CNBD1: variants seen among roughly 807,000 people sequenced by gnomAD.
CNBD1 encodes the protein cyclic nucleotide binding domain containing 1.
Under a neutral mutation model 54.4 loss-of-function variants are expected in CNBD1, and 71 were observed. The observed-to-expected ratio is 1.30, with a 90% CI of 1.08 to 1.59. The LOEUF is 1.59. CNBD1 is among the 40% of genes most tolerant of loss of function. The pLI is 0.00. For synonymous variants in CNBD1, 182 were observed against 170.7 expected, an observed-to-expected ratio of 1.07 and a Z score of -0.51; for missense variants, 659 against 518.0, an observed-to-expected ratio of 1.27 and a Z score of -2.64.
chr8:87,002,953 C>A (rs1489588587), intron 4 of CNBD1, among the ~76,000 whole-genome samples: 2 of 152,080 alleles, frequency 1.3e-5, no homozygotes, highest in Admixed American at 6.5e-5. Flanking sequence ...GGTAATTAGT[C>A]ATTTCTTCCC....
chr8:87,206,113 C>A lies in CNBD1; in HGVS notation c.552C>A (p.Ser184=), dbSNP rs774522037. 1 of 1,585,042 alleles carries A rather than the reference C, an allele frequency of 6.3e-7. No individual in the cohort carries two copies. ...HLKTLSKTVF[S]ETWLKGSTVV... is the part of the protein sequence containing the mutation. ...AAACACTTAGTAAGACTGTCTTTTC[C>A]GAAACCTGGTTGAAAGGCAGCACAG... is the stretch of plus-strand genomic sequence containing the variant. Residue 184 remains serine, a synonymous_variant, in exon 5 of 11, where the codon TCC becomes TCA. Coordinates refer to ENST00000518476, the MANE Select transcript of CNBD1 (RefSeq NM_173538.3).
At chr8:87,396,653 G>T (rs1466525121) in intron 2 of CNBD1, among the ~76,000 whole-genome samples, 3 of 151,298 alleles carry the variant, frequency 2.0e-5, no homozygotes, top group Middle Eastern at 3.4e-3. Context: ...ACCTATTATA[G>T]CTCTTATCTG....
intron 4 of CNBD1, among the ~76,000 whole-genome samples, chr8:87,139,395 T>C (rs1413552886): frequency 2.0e-5 from 3 of 152,176 alleles, no homozygotes; most frequent in Non-Finnish European, 4.4e-5. Context: ...TTACATTGAG[T>C]TCTAACCACA....
intron 2 of CNBD1, among the ~76,000 whole-genome samples, chr8:87,416,971 T>C (rs1807847521): frequency 6.6e-6 from 1 of 152,078 alleles, no homozygotes; most frequent in Non-Finnish European, 1.5e-5. Flanking sequence ...AGGTTCAATA[T>C]AATCCATGAA....
intron 4 of CNBD1, among the ~76,000 whole-genome samples, chr8:87,060,926 A>T (rs560575771): frequency 6.6e-6 from 1 of 152,282 alleles, no homozygotes; most frequent in South Asian, 2.1e-4. Flanking sequence ...GGTCACCAAT[A>T]AATATTCCTT....
At chr8:87,337,631 T>C (rs1809974315) in intron 8 of CNBD1, among the ~76,000 whole-genome samples, 1 of 152,210 alleles carries the variant, frequency 6.6e-6, no homozygotes. Flanking sequence ...TCCAATCTGT[T>C]GGTTGCACAC....
At chr8:87,009,339 C>T (rs1259174470) in intron 4 of CNBD1, among the ~76,000 whole-genome samples, 1 of 151,962 alleles carries the variant, frequency 6.6e-6, no homozygotes, top group Non-Finnish European at 1.5e-5. Flanking sequence ...CTCACTCTGT[C>T]GCCCAGGCTG....
intron 4 of CNBD1, among the ~76,000 whole-genome samples, chr8:87,083,101 T>C (rs1464946392): frequency 1.3e-5 from 2 of 152,206 alleles, no homozygotes; most frequent in Non-Finnish European, 2.9e-5. Context: ...ATGGGTTTTA[T>C]TTAACACTAT....
intron 4 of CNBD1, among the ~76,000 whole-genome samples, chr8:86,969,429 T>C (rs1443123715): frequency 6.6e-6 from 1 of 152,134 alleles, no homozygotes; most frequent in African/African-American, 2.4e-5. Context: ...CCACTACCAG[T>C]GGCAAATCCA....
intron 5 of CNBD1, among the ~76,000 whole-genome samples, chr8:87,231,576 T>G (rs1397868691): frequency 1.3e-5 from 2 of 152,214 alleles, no homozygotes; most frequent in African/African-American, 2.4e-5. Context: ...TCTCATATAA[T>G]AAAATGTTCA....
chr8:87,043,756 C>T (rs950781319), intron 4 of CNBD1, among the ~76,000 whole-genome samples: 7 of 152,172 alleles, frequency 4.6e-5, no homozygotes, highest in African/African-American at 7.2e-5. Flanking sequence ...TGCCAGTCCC[C>T]GGTTAATGTT....
chr8:87,403,622 A>G (rs922804757), intron 2 of CNBD1, among the ~76,000 whole-genome samples: 1 of 151,978 alleles, frequency 6.6e-6, no homozygotes, highest in East Asian at 1.9e-4. Context: ...TCTGTATTTT[A>G]TTCTTGCACA....
intron 8 of CNBD1, among the ~76,000 whole-genome samples, chr8:87,299,905 C>G (rs1300211754): frequency 6.6e-6 from 1 of 152,122 alleles, no homozygotes; most frequent in African/African-American, 2.4e-5. Flanking sequence ...TCTCTCTGTT[C>G]TTTTCTCCTT....
At chr8:87,077,623 T>C (rs781723127) in intron 4 of CNBD1, among the ~76,000 whole-genome samples, 1 of 139,056 alleles carries the variant, frequency 7.2e-6, no homozygotes, top group Non-Finnish European at 1.5e-5. Flanking sequence ...TGTGTCCAAG[T>C]GTTCTTGTTG....
chr8:86,934,303 C>G lies in CNBD1; in HGVS notation c.273-5293C>G, dbSNP rs149213398. ...GAACTGATTATTCTATCAGTGCCTTCGTGCATTCATATGTAAGGAACATAA... is the reference window on the plus strand; with the variant it reads ...GAACTGATTATTCTATCAGTGCCTTGGTGCATTCATATGTAAGGAACATAA... On this transcript the variant is annotated intron_variant, in intron 3 of 10. Transcript: ENST00000518476. Among the ~76,000 whole-genome samples the G allele has an allele frequency of 3.4e-4, 52 of 152,182 alleles. 1 individual carries two copies. Among genetic ancestry groups the G allele is most frequent in the African/African-American group, 1.2e-3 (50 of 41,546 alleles).
chr8:87,040,072 G>T (rs199504198), intron 4 of CNBD1, among the ~76,000 whole-genome samples: 37,882 of 152,060 alleles, frequency 0.25, 5,491 homozygotes, highest in Admixed American at 0.37. Flanking sequence ...GAGCAATTTG[G>T]GGAAGGTCAA....
intron 8 of CNBD1, among the ~76,000 whole-genome samples, chr8:87,313,653 T>C (rs113884035): frequency 3.4e-4 from 52 of 152,050 alleles, no homozygotes; most frequent in African/African-American, 1.2e-3. Flanking sequence ...TTTCTTCTTC[T>C]CAGGAAGATC....
At chr8:86,878,863 G>T (rs959669339) in intron 1 of CNBD1, among the ~76,000 whole-genome samples, 13 of 152,050 alleles carry the variant, frequency 8.5e-5, no homozygotes, top group Admixed American at 5.9e-4. Flanking sequence ...TAGAAAATAT[G>T]GTTAATCCTC....
At chr8:87,147,343 T>C (rs1363999419) in intron 4 of CNBD1, among the ~76,000 whole-genome samples, 4 of 152,162 alleles carry the variant, frequency 2.6e-5, no homozygotes, top group Non-Finnish European at 5.9e-5. Flanking sequence ...GCCATTAGAA[T>C]ACTACCTGGG....
Sources: gnomAD v4.1 joint callset for allele counts (sites outside exome capture counted in the v4.1 genomes callset) on GRCh38, gnomAD v4.1.1 for gene constraint, MANE v1.5 for transcripts, NCBI Gene and HGNC (gene_info 2026-07-23, HGNC 2026-07-21) for gene names.